TRPM8: variants seen among roughly 807,000 people sequenced by gnomAD.
TRPM8 encodes the protein TRPM8 cationic channel.
TRPM8 carries 110 observed loss-of-function variants against 133.7 expected under a neutral mutation model. That is an observed-to-expected ratio of 0.82 (90% CI 0.70 to 0.96). The LOEUF is 0.96. Among genes scored for constraint, TRPM8 ranks in the 40% least tolerant of loss-of-function variants. The pLI, the probability that TRPM8 is intolerant of heterozygous loss-of-function variation, is 0.00. For synonymous variants in TRPM8, 535 were observed against 532.3 expected (o/e 1.01, Z -0.07); for missense variants, 1,291 against 1,379.5 (o/e 0.94, Z 1.02).
At chr2:233,983,513 G>A (rs1692067253) in intron 20 of TRPM8, among the ~76,000 whole-genome samples, 1 of 152,176 alleles carries the variant, frequency 6.6e-6, no homozygotes, top group Non-Finnish European at 1.5e-5. Context: ...AGACTTACTA[G>A]TTTAGAAACC....
intron 2 of TRPM8, among the ~76,000 whole-genome samples, chr2:233,927,026 C>T (rs1691532527): frequency 1.3e-5 from 2 of 152,090 alleles, no homozygotes; most frequent in South Asian, 4.2e-4. Flanking sequence ...GGAGGTGTGT[C>T]CTTAGCACCT....
chr2:233,984,258 G>C (rs11563129), intron 20 of TRPM8, among the ~76,000 whole-genome samples: 1 of 152,084 alleles, frequency 6.6e-6, no homozygotes, highest in South Asian at 2.1e-4. Context: ...CTCACTGGCC[G>C]GTGTGACCCC....
intron 5 of TRPM8, among the ~76,000 whole-genome samples, chr2:233,939,561 C>CAGT (rs1368669363): frequency 6.6e-6 from 1 of 152,190 alleles, no homozygotes; most frequent in Non-Finnish European, 1.5e-5. Flanking sequence ...AAAGTAGTGA[C>CAGT]AGTGCCTGAG....
chr2:234,004,989 C>T (rs1459502352), intron 22 of TRPM8, among the ~76,000 whole-genome samples: 1 of 152,196 alleles, frequency 6.6e-6, no homozygotes, highest in African/African-American at 2.4e-5. Context: ...CATAATTAAT[C>T]AGTTCCTTGT....
At chr2:234,013,936 T>C (rs1048282714) in intron 24 of TRPM8, 1 of 152,238 alleles carries the variant, frequency 6.6e-6, no homozygotes, top group Non-Finnish European at 1.5e-5. Flanking sequence ...CTTGAGTGAG[T>C]GATAAAGCAA....
chr2:233,963,279 C>G lies in TRPM8; in HGVS notation c.1654-3C>G, dbSNP rs201073316. On this transcript the variant is annotated splice_region_variant and splice_polypyrimidine_tract_variant and intron_variant, in intron 12 of 25. Transcript: ENST00000324695. Reference sequence around the variant, plus strand: ...ATGCTGACCACATGCTCTAACCCCCCAGGACGTGTCTCCTATTACTCGGCA... The same window carrying G: ...ATGCTGACCACATGCTCTAACCCCCGAGGACGTGTCTCCTATTACTCGGCA... 1.9e-6 allele frequency: 3 copies of G among 1,609,122 alleles called. No homozygotes were observed. The highest frequency in any genetic ancestry group is 3.3e-5 in the Admixed American group (2 of 59,890).
chr2:234,008,787 T>C lies in TRPM8; in HGVS notation c.3264+684T>C, dbSNP rs186165021. ...GCAAAATCTCCACCACCCAGTACCTTGACCATAGTAGAGCCTTAATAAATG... is the reference window on the plus strand; with the variant it reads ...GCAAAATCTCCACCACCCAGTACCTCGACCATAGTAGAGCCTTAATAAATG... On this transcript the variant is annotated intron_variant, in intron 24 of 25. Transcript: ENST00000324695. 2.1e-3 allele frequency among the ~76,000 whole-genome samples: 322 copies of C among 152,294 alleles called. 3 individuals are homozygous for C. The highest frequency in any genetic ancestry group is 8.0e-3 in the Admixed American group (123 of 15,294).
At chr2:233,945,490 TAC>T (rs139173273) in intron 6 of TRPM8, among the ~76,000 whole-genome samples, 2 of 151,614 alleles carry the variant, frequency 1.3e-5, no homozygotes, top group African/African-American at 2.4e-5. Context: ...CACACACAAA[TAC>T]ACACACACAC....
intron 1 of TRPM8, among the ~76,000 whole-genome samples, chr2:233,921,672 C>CTT (rs1691413337): frequency 2.6e-5 from 3 of 117,382 alleles, no homozygotes; most frequent in African/African-American, 7.7e-5. Context: ...TTTTTCTTTT[C>CTT]TTTTCTTTTT....
intron 5 of TRPM8, among the ~76,000 whole-genome samples, chr2:233,940,159 G>T (rs1690869604): frequency 6.6e-6 from 1 of 151,682 alleles, no homozygotes; most frequent in African/African-American, 2.4e-5. Flanking sequence ...TCTCATTGTG[G>T]ATTTGGTTGA....
At chr2:233,929,107 A>G (rs985884536) in intron 2 of TRPM8, among the ~76,000 whole-genome samples, 1 of 147,674 alleles carries the variant, frequency 6.8e-6, no homozygotes, top group Non-Finnish European at 1.5e-5. Context: ...CTGTGTGCTT[A>G]TGTTTGTTCA....
In TRPM8 at chr2:233,946,608, A is replaced by ATGATAGAC. The variant is rs1293244571; in HGVS notation, c.875-479_875-472dup. Among the ~76,000 whole-genome samples, 5 of 152,320 alleles carry ATGATAGAC rather than the reference A, an allele frequency of 3.3e-5. No individual in the cohort carries two copies. The East Asian group carries it at 7.7e-4, about 23-fold the overall frequency. On this transcript the variant is annotated intron_variant, in intron 7 of 25. Coordinates refer to ENST00000324695, the MANE Select transcript of TRPM8 (RefSeq NM_024080.5). ...TGGAACAAGATTACCTTGTGATTTA[A>ATGATAGAC]TGATAGACATAATGACAGGAACTTG...
At position 233,964,551 on chromosome 2, in the gene TRPM8, CAAAAAAAAAAA is replaced by C. The variant is rs34817253; in HGVS notation, c.1750-61_1750-51del. The C allele has an allele frequency of 1.5e-4, 83 of 571,660 alleles. 1 individual carries two copies. The African/African-American group carries it at 1.8e-3, about 12-fold the overall frequency. 35.4% of individuals were successfully genotyped at this position (571,660 alleles called of 1,614,324 possible). A position where few individuals can be genotyped will look rare whatever the true frequency, so the allele number is the denominator to read the frequency against. On this transcript the variant is annotated intron_variant, in intron 13 of 25. Coordinates refer to ENST00000324695, the MANE Select transcript of TRPM8 (RefSeq NM_024080.5). ...TGGGTCACAGAGTGAGACTCCGTCT[CAAAAAAAAAAA>C]AAAAAAAAAAAAAAAGAAAAGGAAA...
intron 22 of TRPM8, among the ~76,000 whole-genome samples, chr2:234,005,853 G>T (rs1692680760): frequency 6.6e-6 from 1 of 151,752 alleles, no homozygotes; most frequent in Admixed American, 6.6e-5. Flanking sequence ...TGAGGTTGCA[G>T]GGAGGCAGAG....
chr2:233,945,322 A>G (rs1271008240), intron 6 of TRPM8, among the ~76,000 whole-genome samples: 1 of 152,108 alleles, frequency 6.6e-6, no homozygotes, highest in Non-Finnish European at 1.5e-5. Flanking sequence ...CCATTTAATT[A>G]CTTCTTTTTG....
At position 233,945,837 on chromosome 2, in the gene TRPM8, G is replaced by A; in HGVS notation, c.700-19G>A. On this transcript the variant is annotated intron_variant, in intron 6 of 25. Transcript: ENST00000324695. ...ACTGATAATACAATCTCAAAGACAA[G>A]TTTCCCTGTACTTTTCAGGGCTATT... The A allele has an allele frequency of 6.3e-7, 1 of 1,598,820 alleles. No individual in the cohort carries two copies. The highest frequency in any genetic ancestry group is 1.1e-5 in the South Asian group (1 of 90,202).
At chr2:234,000,543 T>G (rs1213791031) in intron 22 of TRPM8, among the ~76,000 whole-genome samples, 1 of 152,190 alleles carries the variant, frequency 6.6e-6, no homozygotes, top group Non-Finnish European at 1.5e-5. Flanking sequence ...AAAATATCTT[T>G]TCCTCTACCT....
intron 20 of TRPM8, among the ~76,000 whole-genome samples, chr2:233,984,019 C>T (rs1299718833): frequency 2.0e-5 from 3 of 152,176 alleles, no homozygotes; most frequent in Non-Finnish European, 4.4e-5. Context: ...TTGTCACTCC[C>T]AGTCTGCACA....
intron 22 of TRPM8, among the ~76,000 whole-genome samples, chr2:234,000,433 A>G (rs867627249): frequency 1.9e-4 from 29 of 152,146 alleles, no homozygotes; most frequent in African/African-American, 6.8e-4. Context: ...TTAAAAATGC[A>G]TGAACTTGGC....
Sources: gnomAD v4.1 joint callset for allele counts (sites outside exome capture counted in the v4.1 genomes callset) on GRCh38, gnomAD v4.1.1 for gene constraint, MANE v1.5 for transcripts, NCBI Gene and HGNC (gene_info 2026-07-23, HGNC 2026-07-21) for gene names.